The following CTNNA3 variants were observed in gnomAD, a reference collection of about 807,000 sequenced individuals.
The protein encoded by CTNNA3 is catenin alpha 3.
CTNNA3 carries 76 observed loss-of-function variants against 95.7 expected under a neutral mutation model. The observed-to-expected ratio is 0.79, with a 90% CI of 0.66 to 0.96. The LOEUF is 0.96. Ranked by LOEUF, CTNNA3 falls within the 40% of genes least tolerant of loss-of-function variation. The pLI is 0.00. For missense variants in CTNNA3, 1,191 were observed against 1,089.8 expected, an observed-to-expected ratio of 1.09 and a Z score of -1.31; for synonymous variants, 431 against 374.4, an observed-to-expected ratio of 1.15 and a Z score of -1.74.
intron 1 of CTNNA3, among the ~76,000 whole-genome samples, chr10:67,737,788 CA>C (rs1841311035): frequency 6.6e-6 from 1 of 152,184 alleles, no homozygotes; most frequent in East Asian, 1.9e-4. Context: ...GAAATAGGAA[CA>C]CTTTTACACT....
chr10:67,313,199 G>A (rs1375693958), intron 5 of CTNNA3, among the ~76,000 whole-genome samples: 1 of 152,030 alleles, frequency 6.6e-6, no homozygotes, highest in African/African-American at 2.4e-5. Context: ...CACTTTGGGA[G>A]GCCAAGGCAG....
intron 7 of CTNNA3, among the ~76,000 whole-genome samples, chr10:67,139,166 T>C (rs1860427413): frequency 6.6e-6 from 1 of 152,204 alleles, no homozygotes; most frequent in African/African-American, 2.4e-5. Flanking sequence ...GGAGTCTCGC[T>C]CTGTCGCCCA....
rs541544668 is a variant in CTNNA3 at position 66,403,121 on chromosome 10, A to G, written c.1532-23769T>C. Among the ~76,000 whole-genome samples the G allele has an allele frequency of 2.0e-5, 3 of 152,148 alleles. No individual in the cohort carries two copies. In the East Asian group the frequency reaches 5.8e-4, roughly 29 times the overall value. ...CTAAACCAATGTGTAACCTCCATGT[A>G]TTATTTATGATTTTGCCTGTATCTT... On this transcript the variant is annotated intron_variant, in intron 11 of 17. Transcript: ENST00000433211.
chr10:66,684,172 G>C (rs1372448373), intron 9 of CTNNA3, among the ~76,000 whole-genome samples: 1 of 152,052 alleles, frequency 6.6e-6, no homozygotes, highest in East Asian at 1.9e-4. Flanking sequence ...TTTTGTCAGG[G>C]ATATTGGGGT....
intron 7 of CTNNA3, among the ~76,000 whole-genome samples, chr10:66,814,851 C>CT (rs71035183): frequency 0.18 from 20,909 of 114,880 alleles, 3,505 homozygotes; most frequent in African/African-American, 0.45. Context: ...AGTTAGCATT[C>CT]TTTTTTTTTT....
At chr10:66,752,640 C>G (rs202119361) in intron 9 of CTNNA3, among the ~76,000 whole-genome samples, 1 of 151,970 alleles carries the variant, frequency 6.6e-6, no homozygotes, top group Admixed American at 6.6e-5. Context: ...ATTAGAAAAA[C>G]AAGCCATAGA....
intron 7 of CTNNA3, among the ~76,000 whole-genome samples, chr10:67,008,269 ATAT>A (rs754621979): frequency 3.4e-4 from 52 of 152,228 alleles, no homozygotes; most frequent in Middle Eastern, 6.8e-3. Flanking sequence ...CATCAATTTG[ATAT>A]TATATTTTTC....
At chr10:67,112,743 C>G (rs2131973654) in intron 7 of CTNNA3, among the ~76,000 whole-genome samples, 1 of 151,962 alleles carries the variant, frequency 6.6e-6, no homozygotes, top group African/African-American at 2.4e-5. Context: ...CTGCATAACA[C>G]TCTGTATATG....
chr10:66,738,926 AC>A (rs1483846360), intron 9 of CTNNA3, among the ~76,000 whole-genome samples: 1 of 152,104 alleles, frequency 6.6e-6, no homozygotes, highest in Non-Finnish European at 1.5e-5. Flanking sequence ...GGTTTTCCCA[AC>A]CCTTTTCACC....
rs12571746 is a variant in CTNNA3 at position 66,314,220 on chromosome 10, C to T, written c.1733-33599G>A. Among the ~76,000 whole-genome samples, 76 of 152,184 alleles carry T rather than the reference C, an allele frequency of 5.0e-4. 2 individuals carry two copies. In the East Asian group the frequency reaches 9.3e-3, roughly 19 times the overall value. On this transcript the variant is annotated intron_variant, in intron 12 of 17. Transcript: ENST00000433211. ...GCTGGCCCAGGGACAGCATTGAGCA[C>T]AAGACTAGATGTCCTAGATAAAGAA...
chr10:66,403,264 CCTTT>C (rs1369426008), intron 11 of CTNNA3, among the ~76,000 whole-genome samples: 3 of 152,092 alleles, frequency 2.0e-5, no homozygotes, highest in African/African-American at 7.2e-5. Flanking sequence ...GCAATGAAAG[CCTTT>C]CTTTCTATCA....
chr10:67,020,720 G>T lies in CTNNA3; in HGVS notation c.1047+159597C>A, dbSNP rs1006289154. On this transcript the variant is annotated intron_variant, in intron 7 of 17. Transcript: ENST00000433211. The stretch of plus-strand genomic sequence containing the variant: ...GGGGAGAATAAGCACTAAAACCTGG[G>T]TTTTAAAAAGGCATAATGAAAATAC... Among the ~76,000 whole-genome samples the T allele has an allele frequency of 1.3e-5, 2 of 152,078 alleles. 1 individual carries two copies. Among genetic ancestry groups the T allele is most frequent in the Non-Finnish European group, 2.9e-5 (2 of 68,000 alleles).
At chr10:67,251,521 C>T (rs562483330) in intron 5 of CTNNA3, among the ~76,000 whole-genome samples, 14 of 152,226 alleles carry the variant, frequency 9.2e-5, no homozygotes, top group African/African-American at 3.1e-4. Flanking sequence ...AAGACAAAGA[C>T]ATACCCATAC....
At chr10:66,428,447 T>C (rs1282030946) in intron 11 of CTNNA3, among the ~76,000 whole-genome samples, 6 of 152,250 alleles carry the variant, frequency 3.9e-5, no homozygotes, top group Non-Finnish European at 2.9e-5. Flanking sequence ...CAACAGAATA[T>C]ACATTCTTTT....
At position 65,914,298 on chromosome 10, in the gene CTNNA3, T is replaced by C. The variant is rs2076981195; in HGVS notation, c.*6032A>G. 1 of 152,066 alleles carries C rather than the reference T, an allele frequency of 6.6e-6. No homozygotes were observed. The highest frequency in any genetic ancestry group is 1.5e-5 in the Non-Finnish European group (1 of 68,002). The allele number at this position is 152,066 out of a possible 1,614,324, so 9.4% of individuals were successfully genotyped here. On this transcript the variant is annotated 3_prime_UTR_variant, in exon 18 of 18. Coordinates refer to ENST00000433211, the MANE Select transcript of CTNNA3 (RefSeq NM_013266.4). ...TACATAAAAGTGAAGATCCCCAATA[T>C]ACACATCCATTGCTCAAACTAGGAA...
chr10:66,293,385 G>C (rs1198155962), intron 12 of CTNNA3, among the ~76,000 whole-genome samples: 1 of 151,800 alleles, frequency 6.6e-6, no homozygotes, highest in Non-Finnish European at 1.5e-5. Flanking sequence ...ACATTAAAAT[G>C]AGAAAAAGTA....
intron 9 of CTNNA3, among the ~76,000 whole-genome samples, chr10:66,677,299 T>C (rs1330769031): frequency 1.3e-5 from 2 of 152,124 alleles, no homozygotes; most frequent in Non-Finnish European, 2.9e-5. Context: ...CTATCTGTAG[T>C]GAAGAATTAG....
rs138366264 is a variant in CTNNA3, at chr10:66,831,945, T to C, written c.1048-56421A>G. On this transcript the variant is annotated intron_variant, in intron 7 of 17. Transcript: ENST00000433211. ...AGATTAAAGAAGACAAGGAATTCAA[T>C]TGTATGGAATATAGAGCAAATCCTT... Among the ~76,000 whole-genome samples, 77 of 152,254 alleles carry C rather than the reference T, an allele frequency of 5.1e-4. No homozygotes were observed. In the East Asian group the frequency reaches 0.014, roughly 28 times the overall value.
At chr10:67,083,282 C>T (rs1857139587) in intron 7 of CTNNA3, among the ~76,000 whole-genome samples, 1 of 152,204 alleles carries the variant, frequency 6.6e-6, no homozygotes, top group East Asian at 1.9e-4. Flanking sequence ...CAAATAGCTG[C>T]CTTTTCATTT....
Sources: gnomAD v4.1 joint callset for allele counts (sites outside exome capture counted in the v4.1 genomes callset) on GRCh38, gnomAD v4.1.1 for gene constraint, MANE v1.5 for transcripts, NCBI Gene and HGNC (gene_info 2026-07-23, HGNC 2026-07-21) for gene names.